ZCCHC4: variants seen among roughly 807,000 people sequenced by gnomAD.
The protein encoded by ZCCHC4 is rRNA N(6)-adenosine-methyltransferase ZCCHC4.
Under a neutral mutation model 67.7 loss-of-function variants are expected in ZCCHC4, and 54 were observed. The observed-to-expected ratio is 0.80, with a 90% CI of 0.64 to 1.00. ZCCHC4 has a LOEUF of 1.00. ZCCHC4 is among the 50% of genes least tolerant of loss of function. The probability of loss-of-function intolerance (pLI) is 0.00; values close to 1 mark genes in which losing one functional copy is unlikely to be tolerated. For missense variants in ZCCHC4, 609 were observed against 617.0 expected, an observed-to-expected ratio of 0.99 and a Z score of 0.14; for synonymous variants, 198 against 213.5, an observed-to-expected ratio of 0.93 and a Z score of 0.63.
chr4:25,362,356 T>C, intron 10 of ZCCHC4, 55 bp downstream of exon 10: 1 of 1,191,950 alleles, frequency 8.4e-7, no homozygotes, highest in Non-Finnish European at 1.2e-6. Flanking sequence ...TTTATTTTAG[T>C]TTACTAGTTT....
At chr4:25,362,198 C>T in intron 9 of ZCCHC4, 28 bp from the exon 10 acceptor site, 1 of 1,575,532 alleles carries the variant, frequency 6.3e-7, no homozygotes, top group Non-Finnish European at 8.7e-7. Context: ...TAAATGTATG[C>T]AGCTGATTTC....
At chr4:25,366,301 T>C (rs1720944433) in intron 12 of ZCCHC4, 3 of 829,694 alleles carry the variant, frequency 3.6e-6, no homozygotes, top group Non-Finnish European at 4.4e-6. Context: ...AAGAAGCTTA[T>C]TGAAGAATCT....
rs975490550 is a variant in ZCCHC4, at chr4:25,337,723, C to G, written c.686+3735C>G. Among the ~76,000 whole-genome samples the G allele has an allele frequency of 8.5e-5, 13 of 152,314 alleles. No homozygotes were observed. The East Asian group carries it at 1.4e-3, about 16-fold the overall frequency. ...ACAATGTATACAGTTGCCAGCAGCACTCATGTTCCTAACTTTGGCACTTTT... is the reference window on the plus strand; with the variant it reads ...ACAATGTATACAGTTGCCAGCAGCAGTCATGTTCCTAACTTTGGCACTTTT... On this transcript the variant is annotated intron_variant, in intron 5 of 12. Coordinates refer to ENST00000302874, the MANE Select transcript of ZCCHC4 (RefSeq NM_024936.3).
intron 8 of ZCCHC4, among the ~76,000 whole-genome samples, chr4:25,360,089 C>G (rs1720665875): frequency 6.6e-6 from 1 of 152,224 alleles, no homozygotes; most frequent in Non-Finnish European, 1.5e-5. Context: ...TTCCAGAGAG[C>G]CAGGAACAGT....
intron 3 of ZCCHC4, among the ~76,000 whole-genome samples, chr4:25,326,394 C>G (rs1031794477): frequency 1.3e-5 from 2 of 152,220 alleles, no homozygotes; most frequent in Admixed American, 1.3e-4. Context: ...TCTGTAAATT[C>G]TCTTTGGTCC....
At position 25,351,672 on chromosome 4, in the gene ZCCHC4, C is replaced by T; in HGVS notation, c.994C>T (p.Gln332Ter). The change falls in exon 8 of 13, where the codon CAG becomes TAG. Residue 332 changes from glutamine to a stop codon, truncating the protein, a stop_gained. Coordinates refer to ENST00000302874, the MANE Select transcript of ZCCHC4 (RefSeq NM_024936.3). LOFTEE classifies it high-confidence loss of function. Reference protein sequence around the residue: ...SRICQFFPSFQMLDYQVDYDN... With the variant: ...SRICQFFPSF ...AATTTGTCAGTTTTTTCCAAGCTTCCAGATGCTGGATTACCAGGTAGAGTA... is the reference window on the plus strand; with the variant it reads ...AATTTGTCAGTTTTTTCCAAGCTTCTAGATGCTGGATTACCAGGTAGAGTA... 6.2e-7 allele frequency: 1 copy of T among 1,611,194 alleles called. No individual in the cohort carries two copies. Among genetic ancestry groups the T allele is most frequent in the Non-Finnish European group, 8.5e-7 (1 of 1,178,584 alleles).
At chr4:25,365,715 C>T in intron 12 of ZCCHC4, 1 of 985,216 alleles carries the variant, frequency 1.0e-6, no homozygotes, top group Non-Finnish European at 1.2e-6. Flanking sequence ...ACATCTCTCA[C>T]CAATATTTGA....
At chr4:25,327,514 C>G (rs1718953812) in intron 3 of ZCCHC4, among the ~76,000 whole-genome samples, 1 of 151,870 alleles carries the variant, frequency 6.6e-6, no homozygotes, top group Non-Finnish European at 1.5e-5. Context: ...CTGTCTTGCT[C>G]TGTCACCCAG....
At chr4:25,331,057 G>C (rs937855383) in intron 3 of ZCCHC4, among the ~76,000 whole-genome samples, 1 of 152,110 alleles carries the variant, frequency 6.6e-6, no homozygotes, top group Admixed American at 6.5e-5. Flanking sequence ...GCTCAGCTCT[G>C]TCTCATCAAT....
chr4:25,324,995 G>A (rs1050075710), intron 3 of ZCCHC4, among the ~76,000 whole-genome samples: 1 of 152,050 alleles, frequency 6.6e-6, no homozygotes, highest in Admixed American at 6.6e-5. Flanking sequence ...TGTAATCCCA[G>A]CACTTTGGGA....
intron 8 of ZCCHC4, chr4:25,351,995 G>A (rs1314676242): frequency 7.7e-6 from 8 of 1,036,978 alleles, no homozygotes; most frequent in Non-Finnish European, 9.3e-6. Flanking sequence ...GGCTGATTTA[G>A]TCTTTCATCA....
At chr4:25,365,454 T>C (rs917138654) in intron 12 of ZCCHC4, 7 of 1,138,922 alleles carry the variant, frequency 6.1e-6, no homozygotes, top group African/African-American at 1.6e-5. Context: ...TGTAAAGTTA[T>C]AGGGGGTGAC....
chr4:25,348,276 G>A (rs1380729340), intron 6 of ZCCHC4, among the ~76,000 whole-genome samples: 1 of 152,174 alleles, frequency 6.6e-6, no homozygotes, highest in Non-Finnish European at 1.5e-5. Context: ...CCTCTTATCA[G>A]TGGGATCTTC....
chr4:25,349,420 G>T lies in ZCCHC4; in HGVS notation c.760-72G>T, dbSNP rs539357026. ...TATTAAGAGAGAGACTGAGTCTAATGCATTCTCCTCCAAATAGGATGAAGT... is the reference window on the plus strand; with the variant it reads ...TATTAAGAGAGAGACTGAGTCTAATTCATTCTCCTCCAAATAGGATGAAGT... On this transcript the variant is annotated intron_variant, in intron 6 of 12. Transcript: ENST00000302874. The T allele has an allele frequency of 2.1e-6, 3 of 1,449,628 alleles. No individual in the cohort carries two copies. In the East Asian group the frequency reaches 6.8e-5, roughly 33 times the overall value. 89.8% of individuals were successfully genotyped at this position (1,449,628 alleles called of 1,614,324 possible).
At chr4:25,313,355 T>C (rs990190467) in intron 1 of ZCCHC4, among the ~76,000 whole-genome samples, 35 of 152,198 alleles carry the variant, frequency 2.3e-4, no homozygotes, top group African/African-American at 8.4e-4. Flanking sequence ...AGTGGGCGTT[T>C]CCAGCTCAAA....
chr4:25,319,269 C>G (rs868639503), intron 3 of ZCCHC4, among the ~76,000 whole-genome samples: 13 of 152,062 alleles, frequency 8.5e-5, no homozygotes, highest in Admixed American at 1.3e-4. Flanking sequence ...CCTGTAGTCC[C>G]AGCTTCTCGG....
chr4:25,335,928 C>T (rs1340231205), intron 5 of ZCCHC4, among the ~76,000 whole-genome samples: 1 of 152,182 alleles, frequency 6.6e-6, no homozygotes, highest in African/African-American at 2.4e-5. Context: ...GTTGACAGCA[C>T]TAGCACACTT....
chr4:25,314,175 T>C lies in ZCCHC4; in HGVS notation c.246+11T>C, dbSNP rs1021526072. On this transcript the variant is annotated intron_variant, in intron 2 of 12. Transcript: ENST00000302874. ...TGGGAAGATGAAAAGGTATATCAACTTTTTGGATATTTATTTTTTATTTTT... is the reference window on the plus strand; with the variant it reads ...TGGGAAGATGAAAAGGTATATCAACCTTTTGGATATTTATTTTTTATTTTT... 1.3e-6 allele frequency: 2 copies of C among 1,532,290 alleles called. No individual in the cohort carries two copies. The highest frequency in any genetic ancestry group is 1.8e-6 in the Non-Finnish European group (2 of 1,124,478). The allele number at this position is 1,532,290 out of a possible 1,614,324, so 94.9% of individuals were successfully genotyped here. A position where few individuals can be genotyped will look rare whatever the true frequency, so the allele number is the denominator to read the frequency against.
At chr4:25,352,261 A>C in intron 8 of ZCCHC4, 1 of 985,468 alleles carries the variant, frequency 1.0e-6, no homozygotes, top group Non-Finnish European at 1.2e-6. Context: ...CCCCTGCCTG[A>C]AATGAGAATG....
Sources: allele counts gnomAD v4.1 joint callset (sites outside exome capture counted in the v4.1 genomes callset), GRCh38; gene constraint gnomAD v4.1.1; transcripts MANE v1.5; gene names NCBI Gene and HGNC (gene_info 2026-07-23, HGNC 2026-07-21).